The following ASCC3 variants were observed in gnomAD, a reference collection of about 807,000 sequenced individuals.
ASCC3 encodes the protein ASC-1 complex subunit P200.
Under a neutral mutation model 256.3 loss-of-function variants are expected in ASCC3, and 158 were observed. The observed-to-expected ratio is 0.62, with a 90% confidence interval of 0.54 to 0.70. The LOEUF is 0.70. ASCC3 is among the 30% of genes least tolerant of loss of function. The probability of loss-of-function intolerance (pLI) is 0.00; values close to 1 mark genes in which losing one functional copy is unlikely to be tolerated. For synonymous variants in ASCC3, 948 were observed against 883.4 expected (o/e 1.07, Z -1.30); for missense variants, 2,259 against 2,626.0 (o/e 0.86, Z 3.05).
chr6:100,769,923 G>A (rs1781840459), intron 8 of ASCC3, among the ~76,000 whole-genome samples: 1 of 151,576 alleles, frequency 6.6e-6, no homozygotes, highest in Middle Eastern at 3.2e-3. Context: ...CCAATATCTA[G>A]TAAAGAAATT....
chr6:100,759,889 T>C (rs1781350344), intron 10 of ASCC3, among the ~76,000 whole-genome samples: 2 of 152,192 alleles, frequency 1.3e-5, no homozygotes, highest in Non-Finnish European at 2.9e-5. Context: ...GTTAGCTGTA[T>C]TCCTAGGTAT....
intron 10 of ASCC3, among the ~76,000 whole-genome samples, chr6:100,741,861 C>T (rs534872333): frequency 6.6e-6 from 1 of 152,300 alleles, no homozygotes; most frequent in East Asian, 1.9e-4. Context: ...TTATAGCCTA[C>T]TTCTGTTAAT....
At chr6:100,517,850 T>G in intron 38 of ASCC3, 141 bp downstream of exon 38, 1 of 918,076 alleles carries the variant, frequency 1.1e-6, no homozygotes, top group Non-Finnish European at 1.6e-6. Flanking sequence ...CACTTGGCCA[T>G]GTCTCACTCT....
chr6:100,515,030 T>G (rs1000170311), intron 39 of ASCC3, among the ~76,000 whole-genome samples: 1 of 152,200 alleles, frequency 6.6e-6, no homozygotes, highest in Admixed American at 6.6e-5. Context: ...AATTTGCATT[T>G]GGTTTTAAAG....
At position 100,715,614 on chromosome 6, in the gene ASCC3, A is replaced by C. The variant is rs967153670; in HGVS notation, c.2080-81T>G. 5 of 1,200,994 alleles carry C rather than the reference A, an allele frequency of 4.2e-6. No homozygotes were observed. The East Asian group carries it at 1.3e-4, about 30-fold the overall frequency. The allele number at this position is 1,200,994 out of a possible 1,614,324, so 74.4% of individuals were successfully genotyped here. A position where few individuals can be genotyped will look rare whatever the true frequency, so the allele number is the denominator to read the frequency against. On this transcript the variant is annotated intron_variant, in intron 12 of 41. Coordinates refer to ENST00000369162, the MANE Select transcript of ASCC3 (RefSeq NM_006828.4). ...CTACAAATAAAATTTTGCCAATTAC[A>C]ATGCATTTTTTAAGCTTTCAGGCTA... is the stretch of plus-strand genomic sequence containing the variant.
intron 36 of ASCC3, among the ~76,000 whole-genome samples, chr6:100,543,565 A>T (rs1775567655): frequency 6.6e-6 from 1 of 152,124 alleles, no homozygotes; most frequent in Non-Finnish European, 1.5e-5. Context: ...TGGCTATATT[A>T]ATTTCAGATA....
In ASCC3 at chr6:100,608,089, T is replaced by G. The variant is rs1297916030; in HGVS notation, c.4786-1001A>C. Among the ~76,000 whole-genome samples the G allele has an allele frequency of 4.9e-5, 5 of 102,478 alleles. 1 individual carries two copies. Among genetic ancestry groups the G allele is most frequent in the African/African-American group, 1.7e-4 (4 of 23,580 alleles). The allele number at this position is 102,478 out of a possible 152,430, so 67.2% of individuals were successfully genotyped here. On this transcript the variant is annotated intron_variant, in intron 30 of 41. Coordinates refer to ENST00000369162, the MANE Select transcript of ASCC3 (RefSeq NM_006828.4). ...ATATATACATATATATGTATATATA[T>G]CTATATACACATATATATGTATATA...
intron 13 of ASCC3, among the ~76,000 whole-genome samples, chr6:100,714,341 GATAA>G (rs1168880702): frequency 6.6e-6 from 1 of 152,032 alleles, no homozygotes; most frequent in African/African-American, 2.4e-5. Context: ...TTTTTAAAAT[GATAA>G]ATAATGCAAC....
intron 17 of ASCC3, among the ~76,000 whole-genome samples, chr6:100,653,344 C>G (rs890641482): frequency 7.9e-5 from 12 of 151,956 alleles, no homozygotes; most frequent in African/African-American, 2.4e-4. Flanking sequence ...ATATTTAGAA[C>G]TGCAAAGTTA....
At chr6:100,537,916 T>C (rs1762891889) in intron 37 of ASCC3, among the ~76,000 whole-genome samples, 1 of 150,178 alleles carries the variant, frequency 6.7e-6, no homozygotes, top group Non-Finnish European at 1.5e-5. Context: ...TATAAATATA[T>C]ATACTGTATA....
At chr6:100,846,127 T>C (rs183121281) in intron 4 of ASCC3, among the ~76,000 whole-genome samples, 20 of 125,550 alleles carry the variant, frequency 1.6e-4, no homozygotes, top group Admixed American at 7.8e-4. Flanking sequence ...TAGAAGTAAA[T>C]AGACAACACA....
Position 100,509,318 on chromosome 6 carries a change from G to A in ASCC3, c.*68C>T. ...TTTCAAGGCAAACATCAAGTAATTC[G>A]ATTTGTCTAGATGACTGAACAGAGA... On this transcript the variant is annotated 3_prime_UTR_variant, in exon 42 of 42. Coordinates refer to ENST00000369162, the MANE Select transcript of ASCC3 (RefSeq NM_006828.4). The A allele has an allele frequency of 6.3e-7, 1 of 1,587,506 alleles. No individual in the cohort carries two copies. Among genetic ancestry groups the A allele is most frequent in the South Asian group, 1.1e-5 (1 of 90,270 alleles).
chr6:100,785,217 G>A (rs1246579539), intron 8 of ASCC3, among the ~76,000 whole-genome samples: 1 of 152,236 alleles, frequency 6.6e-6, no homozygotes, highest in African/African-American at 2.4e-5. Context: ...TGTGAAAGAA[G>A]TGAGATTGTT....
intron 25 of ASCC3, among the ~76,000 whole-genome samples, chr6:100,637,541 G>A (rs562878323): frequency 3.9e-5 from 6 of 152,054 alleles, no homozygotes; most frequent in Non-Finnish European, 7.4e-5. Context: ...TAAGAAATAT[G>A]TTTCATAAGA....
chr6:100,816,618 T>C (rs908798861), intron 4 of ASCC3, among the ~76,000 whole-genome samples: 1 of 152,122 alleles, frequency 6.6e-6, no homozygotes, highest in South Asian at 2.1e-4. Context: ...GGAACATGGG[T>C]GAAAGCCATT....
intron 4 of ASCC3, among the ~76,000 whole-genome samples, chr6:100,847,147 G>A (rs1320016095): frequency 6.6e-6 from 1 of 151,812 alleles, no homozygotes; most frequent in African/African-American, 2.4e-5. Context: ...ATGGTTTTAT[G>A]GCTTACTAAG....
At chr6:100,554,841 C>T (rs1769488792) in intron 36 of ASCC3, among the ~76,000 whole-genome samples, 1 of 151,900 alleles carries the variant, frequency 6.6e-6, no homozygotes, top group Non-Finnish European at 1.5e-5. Context: ...ATATTTTTAT[C>T]TTTATTTCTT....
At chr6:100,792,761 A>G (rs1010439145) in intron 8 of ASCC3, among the ~76,000 whole-genome samples, 8 of 151,934 alleles carry the variant, frequency 5.3e-5, no homozygotes, top group African/African-American at 1.9e-4. Context: ...CCAATTTAGA[A>G]TGAAAAAATG....
chr6:100,790,342 C>T (rs1341317383), intron 8 of ASCC3, among the ~76,000 whole-genome samples: 1 of 151,892 alleles, frequency 6.6e-6, no homozygotes, highest in African/African-American at 2.4e-5. Flanking sequence ...GGATAGCAAG[C>T]TTCTTAAAGC....
Sources: allele counts gnomAD v4.1 joint callset (sites outside exome capture counted in the v4.1 genomes callset), GRCh38; gene constraint gnomAD v4.1.1; transcripts MANE v1.5; gene names NCBI Gene and HGNC (gene_info 2026-07-23, HGNC 2026-07-21).